PRKCA: variants seen among roughly 807,000 people sequenced by gnomAD.
The protein encoded by PRKCA is protein kinase C alpha type.
A neutral mutation model predicts 87.0 loss-of-function variants in PRKCA; 27 were observed. The ratio of observed to expected loss-of-function variants is 0.31; its 90% CI spans 0.23 to 0.43. PRKCA has a LOEUF of 0.43. Ranked by LOEUF, PRKCA falls within the 20% of genes least tolerant of loss-of-function variation. The pLI is 1.00. For synonymous variants in PRKCA, 329 were observed against 311.1 expected, an observed-to-expected ratio of 1.06 and a Z score of -0.61; for missense variants, 518 against 852.3, an observed-to-expected ratio of 0.61 and a Z score of 4.88.
chr17:66,345,276 G>GTA (rs1308878054), intron 2 of PRKCA, among the ~76,000 whole-genome samples: 2 of 152,196 alleles, frequency 1.3e-5, no homozygotes. Context: ...TTGTGTGTGT[G>GTA]TGTGTGTATT....
intron 2 of PRKCA, among the ~76,000 whole-genome samples, chr17:66,336,040 T>G (rs890311359): frequency 1.3e-5 from 2 of 152,240 alleles, no homozygotes; most frequent in African/African-American, 2.4e-5. Context: ...AATTGCCTGT[T>G]AAGCTAAACA....
At chr17:66,428,496 A>T (rs958079327) in intron 2 of PRKCA, among the ~76,000 whole-genome samples, 5 of 151,010 alleles carry the variant, frequency 3.3e-5, no homozygotes, top group South Asian at 2.1e-4. Flanking sequence ...AAGCTGAAAA[A>T]TTTTTCTTTC....
At chr17:66,500,589 T>C (rs1397849723) in intron 3 of PRKCA, among the ~76,000 whole-genome samples, 1 of 152,202 alleles carries the variant, frequency 6.6e-6, no homozygotes, top group Non-Finnish European at 1.5e-5. Context: ...GGTACTGTCA[T>C]ATGTTATCTC....
intron 2 of PRKCA, among the ~76,000 whole-genome samples, chr17:66,437,162 C>A (rs1416863252): frequency 6.6e-6 from 1 of 152,036 alleles, no homozygotes; most frequent in Non-Finnish European, 1.5e-5. Flanking sequence ...TGTGGGAGAC[C>A]AGGTAGGGAG....
At chr17:66,358,514 C>T (rs1213948856) in intron 2 of PRKCA, among the ~76,000 whole-genome samples, 2 of 150,238 alleles carry the variant, frequency 1.3e-5, no homozygotes, top group Non-Finnish European at 2.9e-5. Flanking sequence ...CTACCCATTT[C>T]CTTTCTCAAA....
intron 2 of PRKCA, among the ~76,000 whole-genome samples, chr17:66,450,373 T>C (rs1253619493): frequency 6.6e-6 from 1 of 152,144 alleles, no homozygotes; most frequent in Admixed American, 6.5e-5. Flanking sequence ...AGAGGGGTGG[T>C]ACTGAGTGCT....
intron 2 of PRKCA, among the ~76,000 whole-genome samples, chr17:66,361,252 C>T (rs555777082): frequency 6.6e-6 from 1 of 152,048 alleles, no homozygotes; most frequent in East Asian, 1.9e-4. Context: ...GGTCTTGACA[C>T]TGCACGTACC....
At position 66,689,360 on chromosome 17, in the gene PRKCA, CT is replaced by C. The variant is rs1180401159; in HGVS notation, c.918+315del. On this transcript the variant is annotated intron_variant, in intron 8 of 16. Transcript: ENST00000413366. The surrounding 1 kb of genome is among the most constrained non-coding windows in gnomAD (Gnocchi z 4.1). ...AGCAGGCTCTGAGGGCAGGATTGTT[CT>C]TACAAAGGAGGACTTGTGCTCTTCT... is the stretch of plus-strand genomic sequence containing the variant. Among the ~76,000 whole-genome samples, 2 of 152,132 alleles carry C rather than the reference CT, an allele frequency of 1.3e-5. No individual in the cohort carries two copies. The highest frequency in any genetic ancestry group is 6.5e-5 in the Admixed American group (1 of 15,270).
chr17:66,546,716 C>T lies in PRKCA; in HGVS notation c.288+50433C>T, dbSNP rs182872661. ...CAAAGACCTTATTTCCAAATAACGT[C>T]ACATTCACGTAGACCTGGAGTAAAG... On this transcript the variant is annotated intron_variant, in intron 3 of 16. Transcript: ENST00000413366. 4.0e-3 allele frequency among the ~76,000 whole-genome samples: 603 copies of T among 152,324 alleles called. 3 individuals carry two copies. The highest frequency in any genetic ancestry group is 6.8e-3 in the Admixed American group (104 of 15,308).
chr17:66,461,078 C>T (rs1012106354), intron 2 of PRKCA, among the ~76,000 whole-genome samples: 1 of 151,780 alleles, frequency 6.6e-6, no homozygotes, highest in Non-Finnish European at 1.5e-5. Flanking sequence ...TGATAGTACA[C>T]GCCTGTAGTT....
At chr17:66,488,509 C>G (rs984743883) in intron 2 of PRKCA, among the ~76,000 whole-genome samples, 4 of 152,134 alleles carry the variant, frequency 2.6e-5, no homozygotes, top group African/African-American at 4.8e-5. Flanking sequence ...AGCTTGGGGC[C>G]GTTCTTGACT....
chr17:66,794,627 T>TTTTTTTTTTTTTTTTTTTG (rs1975623239), intron 16 of PRKCA, among the ~76,000 whole-genome samples: 1 of 148,556 alleles, frequency 6.7e-6, no homozygotes. Flanking sequence ...GTTTTTTGTT[T>TTTTTTTTTTTTTTTTTTTG]TTTTTTTTTT....
At chr17:66,463,588 G>T (rs1914955992) in intron 2 of PRKCA, among the ~76,000 whole-genome samples, 1 of 151,936 alleles carries the variant, frequency 6.6e-6, no homozygotes, top group Admixed American at 6.6e-5. Context: ...GTAGAGATGG[G>T]GTTTCACCAT....
rs1258505958 is a variant in PRKCA at position 66,803,997 on chromosome 17, A to G, written c.1979A>G (p.Asn660Ser). The change falls in exon 17 of 17, where the codon AAC (asparagine) becomes AGC (serine). Residue 660 changes from asparagine to serine, a missense_variant. Around this residue, in one of 5 missense-constraint regions of PRKCA, gnomAD observed 159 missense variants for 232.4 expected, o/e 0.68. Transcript: ENST00000413366. This position sits in a 1 kb window ranked among gnomAD's most constrained non-coding sequence, Gnocchi z 4.4. ...QSDFEGFSYVNPQFVHPILQS... is the reference protein window; with the variant it reads ...QSDFEGFSYVSPQFVHPILQS... ...GATTTTGAAGGGTTCTCGTATGTCA[A>G]CCCCCAGTTTGTGCACCCCATCTTA... 1 of 1,613,530 alleles carries G rather than the reference A, an allele frequency of 6.2e-7. No homozygotes were observed.
At chr17:66,481,017 G>A (rs1915754906) in intron 2 of PRKCA, among the ~76,000 whole-genome samples, 2 of 152,050 alleles carry the variant, frequency 1.3e-5, no homozygotes, top group African/African-American at 4.8e-5. Flanking sequence ...ACCGCAGAAC[G>A]CTGCCAGATG....
At chr17:66,530,311 A>C (rs1042825530) in intron 3 of PRKCA, among the ~76,000 whole-genome samples, 3 of 152,232 alleles carry the variant, frequency 2.0e-5, no homozygotes, top group Non-Finnish European at 4.4e-5. Flanking sequence ...ACCAAGACTC[A>C]TTAATATATG....
chr17:66,502,127 G>T (rs1916759962), intron 3 of PRKCA, among the ~76,000 whole-genome samples: 1 of 152,182 alleles, frequency 6.6e-6, no homozygotes, highest in Non-Finnish European at 1.5e-5. Flanking sequence ...AGCCCACCCT[G>T]CTATGAAGAG....
chr17:66,709,001 T>C (rs975334507), intron 8 of PRKCA, among the ~76,000 whole-genome samples: 1 of 152,186 alleles, frequency 6.6e-6, no homozygotes, highest in Non-Finnish European at 1.5e-5. Context: ...AGATAACCCA[T>C]ACCTGGTAAA....
Position 66,443,690 on chromosome 17 carries a change from C to T in PRKCA, c.206-52511C>T, listed in dbSNP as rs191157413. On this transcript the variant is annotated intron_variant, in intron 2 of 16. Transcript: ENST00000413366. ...ACTTGCTACTGAATGGTAGTCCTCA[C>T]GATGACATGTGTGGCCCATTTAATG... 3.1e-4 allele frequency among the ~76,000 whole-genome samples: 47 copies of T among 152,176 alleles called. 1 individual carries two copies. Among genetic ancestry groups the T allele is most frequent in the East Asian group, 1.2e-3 (6 of 5,168 alleles).
Sources: gnomAD v4.1 joint callset for allele counts (sites outside exome capture counted in the v4.1 genomes callset) on GRCh38, gnomAD v4.1.1 for gene constraint, gnomAD v4.1.1 regional missense constraint, Gnocchi (gnomAD v3.1) non-coding constraint, MANE v1.5 for transcripts, NCBI Gene and HGNC (gene_info 2026-07-23, HGNC 2026-07-21) for gene names.